Variants in B3GALT1 observed in about 807,000 individuals in gnomAD.
The protein encoded by B3GALT1 is UDP-Gal:betaGlcNAc beta 1,3-galactosyltransferase, polypeptide 1.
A neutral mutation model predicts 23.2 loss-of-function variants in B3GALT1; 10 were observed. The ratio of observed to expected loss-of-function variants is 0.43; its 90% CI spans 0.27 to 0.73. The LOEUF is 0.73. B3GALT1 is among the 30% of genes least tolerant of loss of function. The pLI, the probability that B3GALT1 is intolerant of heterozygous loss-of-function variation, is 0.21. For missense variants in B3GALT1, 299 were observed against 405.4 expected (o/e 0.74, Z 2.25); for synonymous variants, 156 against 141.5 (o/e 1.10, Z -0.73).
intron 4 of B3GALT1, among the ~76,000 whole-genome samples, chr2:167,863,465 C>G (rs563961835): frequency 1.3e-5 from 2 of 152,264 alleles, no homozygotes; most frequent in East Asian, 3.9e-4. Context: ...TTGTTAATAC[C>G]TGTGATGTAT....
intron 3 of B3GALT1, among the ~76,000 whole-genome samples, chr2:167,724,458 A>T (rs1005582888): frequency 2.0e-5 from 3 of 152,232 alleles, no homozygotes; most frequent in Non-Finnish European, 4.4e-5. Flanking sequence ...TATTCAGAAG[A>T]ACTTGAATTC....
intron 3 of B3GALT1, among the ~76,000 whole-genome samples, chr2:167,728,036 C>T (rs1039158844): frequency 2.0e-5 from 3 of 152,150 alleles, no homozygotes; most frequent in South Asian, 2.1e-4. Flanking sequence ...TACCTTTAAT[C>T]GCAGTGTCTG....
At chr2:167,507,460 C>T (rs1220274825) in intron 2 of B3GALT1, among the ~76,000 whole-genome samples, 5 of 138,612 alleles carry the variant, frequency 3.6e-5, no homozygotes, top group Admixed American at 2.4e-4. Flanking sequence ...GAACCAAGAT[C>T]GCGCCACTGC....
At chr2:167,682,503 G>C (rs1574210611) in intron 3 of B3GALT1, among the ~76,000 whole-genome samples, 1 of 152,114 alleles carries the variant, frequency 6.6e-6, no homozygotes, top group Non-Finnish European at 1.5e-5. Flanking sequence ...CCCCTCTCTT[G>C]CTTAAAAGTC....
chr2:167,531,650 CATT>C (rs1310591201), intron 2 of B3GALT1, among the ~76,000 whole-genome samples: 7 of 152,180 alleles, frequency 4.6e-5, no homozygotes, highest in Admixed American at 3.9e-4. Context: ...TAGATAGGAT[CATT>C]ATTATTTCTG....
chr2:167,564,706 T>C (rs1224787603), intron 2 of B3GALT1, among the ~76,000 whole-genome samples: 2 of 152,316 alleles, frequency 1.3e-5, no homozygotes, highest in Admixed American at 6.5e-5. Context: ...AGCATTCTTA[T>C]ACACCAATAA....
chr2:167,619,045 A>G (rs1685212385), intron 2 of B3GALT1, among the ~76,000 whole-genome samples: 1 of 151,888 alleles, frequency 6.6e-6, no homozygotes, highest in Non-Finnish European at 1.5e-5. Flanking sequence ...GCCTGAAACA[A>G]TTATTACTAT....
intron 2 of B3GALT1, among the ~76,000 whole-genome samples, chr2:167,589,686 A>G (rs777494344): frequency 2.6e-5 from 4 of 152,092 alleles, no homozygotes; most frequent in Non-Finnish European, 5.9e-5. Context: ...TACTACTTTT[A>G]GGGATTTTTA....
chr2:167,662,564 A>G (rs1004101259), intron 3 of B3GALT1, among the ~76,000 whole-genome samples: 22 of 152,116 alleles, frequency 1.4e-4, no homozygotes, highest in African/African-American at 4.8e-4. Flanking sequence ...TAGCCGATTT[A>G]CTACCTCCCT....
chr2:167,325,572 C>T (rs1191878116), intron 1 of B3GALT1, among the ~76,000 whole-genome samples: 1 of 152,036 alleles, frequency 6.6e-6, no homozygotes, highest in Non-Finnish European at 1.5e-5. Flanking sequence ...CAGGCCCCAC[C>T]TCCAACATCG....
intron 2 of B3GALT1, among the ~76,000 whole-genome samples, chr2:167,580,482 C>T (rs978290644): frequency 6.6e-6 from 1 of 152,004 alleles, no homozygotes; most frequent in Non-Finnish European, 1.5e-5. Context: ...ATCCCCCAGC[C>T]TTGGGACTTT....
intron 1 of B3GALT1, among the ~76,000 whole-genome samples, chr2:167,369,920 T>C (rs1246798015): frequency 1.3e-5 from 2 of 152,106 alleles, no homozygotes. Context: ...AGGAAGGTGC[T>C]ATTTAAAAAA....
At chr2:167,451,301 G>T (rs749898049) in intron 1 of B3GALT1, among the ~76,000 whole-genome samples, 2 of 152,086 alleles carry the variant, frequency 1.3e-5, no homozygotes, top group Non-Finnish European at 2.9e-5. Context: ...TTGTTTTTCT[G>T]GTTCCTTCTC....
intron 3 of B3GALT1, chr2:167,713,910 G>A: frequency 2.5e-6 from 4 of 1,579,406 alleles, no homozygotes; most frequent in South Asian, 1.1e-5. Flanking sequence ...GGAGGTTGGG[G>A]GAAAGGAGGT....
At chr2:167,808,828 C>G (rs897089364) in intron 3 of B3GALT1, among the ~76,000 whole-genome samples, 15 of 152,108 alleles carry the variant, frequency 9.9e-5, no homozygotes, top group African/African-American at 3.6e-4. Flanking sequence ...TGAATGTTGG[C>G]CTGTCTTGCT....
At chr2:167,460,067 A>G (rs1699233691) in intron 1 of B3GALT1, among the ~76,000 whole-genome samples, 1 of 152,210 alleles carries the variant, frequency 6.6e-6, no homozygotes, top group Admixed American at 6.5e-5. Context: ...TAAAAGTTTG[A>G]TTAAAATGAT....
At chr2:167,377,144 T>A (rs1175900275) in intron 1 of B3GALT1, among the ~76,000 whole-genome samples, 1 of 152,156 alleles carries the variant, frequency 6.6e-6, no homozygotes, top group Non-Finnish European at 1.5e-5. Context: ...AATTTTGTGG[T>A]TTTGAGATAT....
At chr2:167,426,826 T>C (rs1698630018) in intron 1 of B3GALT1, among the ~76,000 whole-genome samples, 1 of 152,206 alleles carries the variant, frequency 6.6e-6, no homozygotes, top group Non-Finnish European at 1.5e-5. Context: ...TCAAGTTAAG[T>C]TGAAGATGCA....
chr2:167,732,419 A>C (rs73019339), intron 3 of B3GALT1, among the ~76,000 whole-genome samples: 2,195 of 152,328 alleles, frequency 0.014, 50 homozygotes, highest in African/African-American at 0.05. Context: ...TTACATTTTT[A>C]AACCTTCAGC....
Sources: allele counts gnomAD v4.1 joint callset (sites outside exome capture counted in the v4.1 genomes callset), GRCh38; gene constraint gnomAD v4.1.1; transcripts MANE v1.5; gene names NCBI Gene and HGNC (gene_info 2026-07-23, HGNC 2026-07-21).